Variants in CUX1 observed in about 807,000 individuals in gnomAD.
CUX1 encodes the protein protein CASP.
In CUX1, 31 loss-of-function variants were observed where a neutral mutation model predicts 158.8. The observed-to-expected ratio is 0.20, with a 90% CI of 0.15 to 0.26. The LOEUF is 0.26. Among genes scored for constraint, CUX1 ranks in the 10% least tolerant of loss-of-function variants. The pLI, the probability that CUX1 is intolerant of heterozygous loss-of-function variation, is 1.00. For synonymous variants in CUX1, 879 were observed against 862.1 expected, an observed-to-expected ratio of 1.02 and a Z score of -0.34; for missense variants, 1,589 against 2,014.6, an observed-to-expected ratio of 0.79 and a Z score of 4.04.
chr7:101,986,877 A>G (rs1374376398), intron 2 of CUX1, among the ~76,000 whole-genome samples: 2 of 152,166 alleles, frequency 1.3e-5, no homozygotes, highest in African/African-American at 4.8e-5. Flanking sequence ...GCCCTGCTGC[A>G]GGGTCCTTCA....
At chr7:102,063,037 G>A (rs1825108036) in intron 3 of CUX1, among the ~76,000 whole-genome samples, 1 of 152,056 alleles carries the variant, frequency 6.6e-6, no homozygotes, top group Non-Finnish European at 1.5e-5. Flanking sequence ...CCTGGGCGGG[G>A]AGGTTGCAGT....
At chr7:102,125,975 G>A (rs1394344095) in intron 8 of CUX1, among the ~76,000 whole-genome samples, 3 of 151,596 alleles carry the variant, frequency 2.0e-5, no homozygotes, top group South Asian at 4.2e-4. Context: ...ATTATAGGCT[G>A]TTTCCTTTTA....
Position 102,170,465 on chromosome 7 carries a change from G to A in CUX1, c.743G>A (p.Arg248Lys), listed in dbSNP as rs1554510075. 1 of 1,588,744 alleles carries A rather than the reference G, an allele frequency of 6.3e-7. No homozygotes were observed. The highest frequency in any genetic ancestry group is 2.3e-5 in the East Asian group (1 of 43,520). Residue 248 changes from arginine (R) to lysine (K), a missense_variant, in exon 10 of 24, where the codon AGA (arginine) becomes AAA (lysine). Arg to Lys is a conservative substitution (Grantham distance 26, BLOSUM62 2). Around this residue, in one of 8 missense-constraint regions of CUX1, gnomAD observed 515 missense variants for 574.4 expected, o/e 0.90. Coordinates refer to ENST00000292535, the MANE Select transcript of CUX1 (RefSeq NM_181552.4). Reference sequence around the variant, plus strand: ...CTTCAGAGGGCAGAGGTGGCTCAGAGAGAGGCGGAGACCTTAAGGGAACAG... The same window carrying A: ...CTTCAGAGGGCAGAGGTGGCTCAGAAAGAGGCGGAGACCTTAAGGGAACAG... ...RANQRAEVAQ[R>K]EAETLREQLS...
rs752718846 is a variant in CUX1, at chr7:101,817,720, C to T, written c.30+51C>T. The T allele has an allele frequency of 6.5e-6, 10 of 1,542,492 alleles. No homozygotes were observed. Among genetic ancestry groups the T allele is most frequent in the South Asian group, 2.4e-5 (2 of 83,604 alleles). On this transcript the variant is annotated intron_variant, in intron 1 of 23. Transcript: ENST00000292535. This position sits in a 1 kb window ranked among gnomAD's most constrained non-coding sequence, Gnocchi z 4.1. Reference sequence around the variant, plus strand: ...CCGAGGTTGCAGGCGCGGAGGGAACCGGGGATGTCGGGGGGTGCCCGGGTC... The same window carrying T: ...CCGAGGTTGCAGGCGCGGAGGGAACTGGGGATGTCGGGGGGTGCCCGGGTC...
chr7:101,934,228 T>G (rs1005971279), intron 2 of CUX1, among the ~76,000 whole-genome samples: 1 of 152,248 alleles, frequency 6.6e-6, no homozygotes, highest in African/African-American at 2.4e-5. Flanking sequence ...TGAAAATCTC[T>G]CTCTGACTTC....
intron 2 of CUX1, among the ~76,000 whole-genome samples, chr7:101,996,545 G>A (rs1815922571): frequency 6.6e-6 from 1 of 151,976 alleles, no homozygotes; most frequent in Admixed American, 6.6e-5. Context: ...GGCAGAGGCA[G>A]GCGCACAGTG....
At chr7:102,034,751 CAAAAAA>C (rs33994794) in intron 3 of CUX1, among the ~76,000 whole-genome samples, 1 of 117,952 alleles carries the variant, frequency 8.5e-6, no homozygotes, top group South Asian at 2.8e-4. Flanking sequence ...GACTCCGTCT[CAAAAAA>C]AAAAAAAAAA....
intron 2 of CUX1, among the ~76,000 whole-genome samples, chr7:101,932,085 T>C (rs536236231): frequency 8.5e-5 from 13 of 152,338 alleles, no homozygotes; most frequent in African/African-American, 2.9e-4. Flanking sequence ...AATTGAAGGA[T>C]TGATCATTGT....
chr7:102,123,236 TAAAA>T (rs200334224), intron 8 of CUX1, among the ~76,000 whole-genome samples: 3 of 132,468 alleles, frequency 2.3e-5, no homozygotes, highest in Non-Finnish European at 3.3e-5. Flanking sequence ...GTCTCAAAAA[TAAAA>T]AAAAAAGAGA....
At chr7:102,053,586 C>T (rs960861691) in intron 3 of CUX1, among the ~76,000 whole-genome samples, 15 of 152,118 alleles carry the variant, frequency 9.9e-5, no homozygotes, top group African/African-American at 3.6e-4. Flanking sequence ...CCTTTCCAGC[C>T]CCACTACCCC....
chr7:101,885,679 C>T (rs1260275900), intron 1 of CUX1, among the ~76,000 whole-genome samples: 1 of 152,212 alleles, frequency 6.6e-6, no homozygotes, highest in Non-Finnish European at 1.5e-5. Flanking sequence ...GCCCCAGTTC[C>T]CCGAGCACAG....
Position 102,249,504 on chromosome 7 carries a change from G to C in CUX1, c.*462G>C. 1.0e-6 allele frequency: 1 copy of C among 985,850 alleles called. No homozygotes were observed. The highest frequency in any genetic ancestry group is 1.2e-6 in the Non-Finnish European group (1 of 829,934). The allele number at this position is 985,850 out of a possible 1,614,324, so 61.1% of individuals were successfully genotyped here. A position where few individuals can be genotyped will look rare whatever the true frequency, so the allele number is the denominator to read the frequency against. On this transcript the variant is annotated 3_prime_UTR_variant, in exon 24 of 24. Coordinates refer to ENST00000292535, the MANE Select transcript of CUX1 (RefSeq NM_181552.4). Reference sequence around the variant, plus strand: ...AAGTGTTTTTTTTATTGCCCTAAGTGATTTCCACAGGTTCTGGAATAACTC... The same window carrying C: ...AAGTGTTTTTTTTATTGCCCTAAGTCATTTCCACAGGTTCTGGAATAACTC...
At chr7:101,936,758 T>C (rs1806994444) in intron 2 of CUX1, among the ~76,000 whole-genome samples, 1 of 152,174 alleles carries the variant, frequency 6.6e-6, no homozygotes, top group African/African-American at 2.4e-5. Context: ...GGTTTTGCTT[T>C]CTGCCCTGGC....
chr7:102,280,111 C>T, exon 19 of CUX1: 1 of 1,608,666 alleles, frequency 6.2e-7, no homozygotes, highest in Non-Finnish European at 8.5e-7. Flanking sequence ...TCTCCTCCTT[C>T]AGCAAGCGGG....
intron 1 of CUX1, among the ~76,000 whole-genome samples, chr7:101,836,118 C>G (rs1794592859): frequency 6.6e-6 from 1 of 152,190 alleles, no homozygotes; most frequent in African/African-American, 2.4e-5. Flanking sequence ...TTCATTGATT[C>G]TATTTTTTTG....
At chr7:101,934,187 G>T (rs1434366190) in intron 2 of CUX1, among the ~76,000 whole-genome samples, 1 of 152,156 alleles carries the variant, frequency 6.6e-6, no homozygotes, top group Non-Finnish European at 1.5e-5. Context: ...CTGTAACGAT[G>T]ATCTAAAGGT....
At chr7:102,077,870 C>A (rs1172034574) in intron 4 of CUX1, among the ~76,000 whole-genome samples, 1 of 144,324 alleles carries the variant, frequency 6.9e-6, no homozygotes, top group Non-Finnish European at 1.5e-5. Flanking sequence ...CTTCTTGATA[C>A]TTTTCATTTT....
At chr7:101,981,189 G>A (rs1359717700) in intron 2 of CUX1, among the ~76,000 whole-genome samples, 2 of 151,392 alleles carry the variant, frequency 1.3e-5, no homozygotes, top group African/African-American at 2.4e-5. Context: ...CTGTGTCCCC[G>A]GCCCCCTCCT....
chr7:102,000,216 CA>C (rs113719298), intron 2 of CUX1, among the ~76,000 whole-genome samples: 9 of 146,414 alleles, frequency 6.1e-5, no homozygotes, highest in Non-Finnish European at 9.0e-5. Flanking sequence ...AACTCTATCT[CA>C]AAAAAAAAAA....
Sources: gnomAD v4.1 joint callset for allele counts (sites outside exome capture counted in the v4.1 genomes callset) on GRCh38, gnomAD v4.1.1 for gene constraint, gnomAD v4.1.1 regional missense constraint, Gnocchi (gnomAD v3.1) non-coding constraint, MANE v1.5 for transcripts, NCBI Gene and HGNC (gene_info 2026-07-23, HGNC 2026-07-21) for gene names.